The following CSMD1 variants were observed in gnomAD, a reference collection of about 807,000 sequenced individuals.
CSMD1 encodes the protein CUB and Sushi multiple domains 1, also known as CUB and sushi domain-containing protein 1.
In CSMD1, 213 loss-of-function variants were observed where a neutral mutation model predicts 417.5. The ratio of observed to expected loss-of-function variants is 0.51; its 90% confidence interval spans 0.46 to 0.57. CSMD1 has a LOEUF of 0.57. CSMD1 is among the 20% of genes least tolerant of loss of function. The pLI is 0.00. For synonymous variants in CSMD1, 2,862 were observed against 1,736.8 expected, an observed-to-expected ratio of 1.65 and a Z score of -16.11; for missense variants, 6,923 against 4,529.7, an observed-to-expected ratio of 1.53 and a Z score of -15.17.
chr8:4,231,635 C>T (rs1421566722), intron 3 of CSMD1, among the ~76,000 whole-genome samples: 1 of 152,200 alleles, frequency 6.6e-6, no homozygotes, highest in Non-Finnish European at 1.5e-5. Flanking sequence ...ATCTTCTTTA[C>T]TGCAGGCTCT....
intron 3 of CSMD1, among the ~76,000 whole-genome samples, chr8:4,341,698 C>G (rs1197266758): frequency 6.6e-6 from 1 of 152,044 alleles, no homozygotes; most frequent in Non-Finnish European, 1.5e-5. Context: ...TAAATGGAAA[C>G]CTAAGATTAG....
At chr8:3,654,073 T>A (rs1001162375) in intron 7 of CSMD1, among the ~76,000 whole-genome samples, 1 of 152,156 alleles carries the variant, frequency 6.6e-6, no homozygotes, top group African/African-American at 2.4e-5. Flanking sequence ...ATCACTGTAA[T>A]AACGTCTCTT....
At chr8:4,746,266 C>T (rs1585034697) in intron 1 of CSMD1, among the ~76,000 whole-genome samples, 1 of 152,288 alleles carries the variant, frequency 6.6e-6, no homozygotes, top group African/African-American at 2.4e-5. Context: ...AGATCTTCTT[C>T]TAGGTGACGT....
At chr8:3,834,481 G>C (rs564266614) in intron 5 of CSMD1, among the ~76,000 whole-genome samples, 1 of 152,156 alleles carries the variant, frequency 6.6e-6, no homozygotes, top group African/African-American at 2.4e-5. Context: ...TGTTGTTCCA[G>C]GTCAGTACCT....
chr8:4,862,929 A>T (rs1459316025), intron 1 of CSMD1, among the ~76,000 whole-genome samples: 1 of 151,934 alleles, frequency 6.6e-6, no homozygotes, highest in Non-Finnish European at 1.5e-5. Context: ...GAGAGGCTGG[A>T]GGGAAACTAA....
intron 1 of CSMD1, among the ~76,000 whole-genome samples, chr8:4,988,517 C>T (rs950534374): frequency 2.0e-5 from 3 of 152,136 alleles, no homozygotes; most frequent in Non-Finnish European, 2.9e-5. Context: ...AATGTTGCCA[C>T]CGTAGGTCAA....
chr8:4,269,397 A>C (rs921428840), intron 3 of CSMD1, among the ~76,000 whole-genome samples: 2 of 151,676 alleles, frequency 1.3e-5, no homozygotes, highest in African/African-American at 4.8e-5. Context: ...TTTGAACCAC[A>C]CTCCTAAGGC....
chr8:3,626,122 A>G (rs1009924337), intron 7 of CSMD1, among the ~76,000 whole-genome samples: 1 of 152,136 alleles, frequency 6.6e-6, no homozygotes, highest in Non-Finnish European at 1.5e-5. Flanking sequence ...GTGCTCTGAG[A>G]TGTTCACCGG....
chr8:4,444,576 T>C (rs962139297), intron 2 of CSMD1, among the ~76,000 whole-genome samples: 3 of 151,910 alleles, frequency 2.0e-5, no homozygotes, highest in African/African-American at 7.3e-5. Flanking sequence ...TTAAAGCAGC[T>C]CCAGAACATG....
chr8:3,966,762 C>T (rs956877001), intron 5 of CSMD1, among the ~76,000 whole-genome samples: 1 of 112,358 alleles, frequency 8.9e-6, no homozygotes, highest in Non-Finnish European at 1.8e-5. Flanking sequence ...CACGCGCGCG[C>T]GCGCACACAC....
intron 1 of CSMD1, among the ~76,000 whole-genome samples, chr8:4,765,797 G>A (rs758325155): frequency 1.3e-5 from 2 of 152,152 alleles, no homozygotes; most frequent in Non-Finnish European, 2.9e-5. Flanking sequence ...GGGGGTTGAT[G>A]AAAGGTAGCT....
At chr8:3,141,302 A>G (rs1818425025) in intron 41 of CSMD1, among the ~76,000 whole-genome samples, 1 of 152,204 alleles carries the variant, frequency 6.6e-6, no homozygotes, top group African/African-American at 2.4e-5. Context: ...GAAAGAAACC[A>G]GACCTAACCA....
intron 5 of CSMD1, among the ~76,000 whole-genome samples, chr8:3,800,044 G>C (rs1800373044): frequency 6.6e-6 from 1 of 152,044 alleles, no homozygotes; most frequent in African/African-American, 2.4e-5. Context: ...CAATTCTTTT[G>C]TCACTGAAAT....
chr8:3,701,003 G>A (rs1397929961), intron 7 of CSMD1, among the ~76,000 whole-genome samples: 2 of 150,948 alleles, frequency 1.3e-5, no homozygotes, highest in Admixed American at 6.6e-5. Flanking sequence ...GTGGTTTGGG[G>A]GTAACGAGAA....
intron 3 of CSMD1, among the ~76,000 whole-genome samples, chr8:4,265,941 A>G (rs183363643): frequency 0.021 from 2,145 of 103,892 alleles, 585 homozygotes; most frequent in Middle Eastern, 0.045. Flanking sequence ...ATTGCCCAGG[A>G]GACGGGGAAC....
chr8:4,295,418 C>T (rs888116211), intron 3 of CSMD1, among the ~76,000 whole-genome samples: 1 of 143,158 alleles, frequency 7.0e-6, no homozygotes, highest in Non-Finnish European at 1.5e-5. Context: ...TCTTATTATA[C>T]ACATATAATC....
intron 3 of CSMD1, among the ~76,000 whole-genome samples, chr8:4,270,198 G>T (rs909315280): frequency 1.3e-5 from 2 of 152,120 alleles, no homozygotes; most frequent in Admixed American, 6.6e-5. Flanking sequence ...TGACATAGCC[G>T]CGTGTTTCCT....
Position 4,047,589 on chromosome 8 carries a change from T to G in CSMD1, c.416-15490A>C, listed in dbSNP as rs561184034. ...CAAATTATGTTGAATATTTACTGAA[T>G]GCGTATTATGTGTGGAATATTTTTC... On this transcript the variant is annotated intron_variant, in intron 3 of 69. Transcript: ENST00000635120. 1.5e-4 allele frequency among the ~76,000 whole-genome samples: 23 copies of G among 152,280 alleles called. 1 individual carries two copies. Among genetic ancestry groups the G allele is most frequent in the Non-Finnish European group, 2.8e-4 (19 of 68,022 alleles).
intron 3 of CSMD1, among the ~76,000 whole-genome samples, chr8:4,258,479 G>A (rs1345139165): frequency 5.7e-5 from 1 of 17,686 alleles, no homozygotes; most frequent in Non-Finnish European, 1.2e-4. Flanking sequence ...AGGATGGAAG[G>A]ACGGAGGGAG....
Sources: gnomAD v4.1 joint callset for allele counts (sites outside exome capture counted in the v4.1 genomes callset) on GRCh38, gnomAD v4.1.1 for gene constraint, MANE v1.5 for transcripts, NCBI Gene and HGNC (gene_info 2026-07-23, HGNC 2026-07-21) for gene names.